The following MYO9A variants were observed in gnomAD, a reference collection of about 807,000 sequenced individuals.
MYO9A encodes the protein myosin IXA, also known as unconventional myosin-IXa.
Under a neutral mutation model 293.3 loss-of-function variants are expected in MYO9A, and 103 were observed. The ratio of observed to expected loss-of-function variants is 0.35; its 90% CI spans 0.30 to 0.41. The LOEUF (loss-of-function observed/expected upper bound fraction) is 0.41. Among genes scored for constraint, MYO9A ranks in the 10% least tolerant of loss-of-function variants. The probability of loss-of-function intolerance (pLI) is 1.00; values close to 1 mark genes in which losing one functional copy is unlikely to be tolerated. For missense variants in MYO9A, 2,685 were observed against 3,033.0 expected (o/e 0.89, Z 2.69); for synonymous variants, 1,001 against 1,035.7 (o/e 0.97, Z 0.64).
Position 71,898,971 on chromosome 15 carries a change from T to C in MYO9A, c.3532A>G (p.Ile1178Val). Residue 1178 changes from isoleucine to valine, a missense_variant, in exon 25 of 42, where the codon ATT becomes GTT. This residue lies in a region of MYO9A where 1,434 missense variants were observed against 1,497.7 expected (regional missense o/e 0.96). Transcript: ENST00000356056. The part of the protein sequence containing the change: ...ETKPEVGLVN[I>V]KGYGSLEIQG... ...ATTTCCAGAGATCCATATCCCTTAA[T>C]ATTCACCAATCCAACTTCTGGCTTT... is the stretch of plus-strand genomic sequence containing the variant. 3 of 1,613,666 alleles carry C rather than the reference T, an allele frequency of 1.9e-6. No homozygotes were observed. The highest frequency in any genetic ancestry group is 2.2e-5 in the South Asian group (2 of 91,064).
chr15:72,005,800 T>C (rs997759381), intron 8 of MYO9A, among the ~76,000 whole-genome samples: 34 of 152,310 alleles, frequency 2.2e-4, no homozygotes, highest in African/African-American at 7.9e-4. Context: ...AACTTTATGC[T>C]CTAAAACTAA....
At chr15:71,969,534 G>C (rs1264161809) in intron 12 of MYO9A, among the ~76,000 whole-genome samples, 4 of 152,192 alleles carry the variant, frequency 2.6e-5, no homozygotes. Flanking sequence ...GCATAGGCCA[G>C]CTCAACCTCT....
At chr15:71,856,071 G>A (rs2055851493) in intron 34 of MYO9A, among the ~76,000 whole-genome samples, 1 of 152,150 alleles carries the variant, frequency 6.6e-6, no homozygotes, top group African/African-American at 2.4e-5. Context: ...AGCATTTTGT[G>A]AGGCTGAGGT....
intron 32 of MYO9A, among the ~76,000 whole-genome samples, chr15:71,874,470 G>A (rs992357237): frequency 6.6e-6 from 1 of 152,104 alleles, no homozygotes; most frequent in African/African-American, 2.4e-5. Context: ...AGGCAGTCAC[G>A]CTCAAGATCA....
chr15:71,985,943 G>C (rs1318376631), intron 11 of MYO9A, among the ~76,000 whole-genome samples: 1 of 152,072 alleles, frequency 6.6e-6, no homozygotes, highest in East Asian at 1.9e-4. Context: ...ACACTGCCTG[G>C]CACACAACTG....
Position 71,960,036 on chromosome 15 carries a change from T to C in MYO9A, c.2047A>G (p.Ser683Gly). 1 of 1,614,076 alleles carries C rather than the reference T, an allele frequency of 6.2e-7. No individual in the cohort carries two copies. Among genetic ancestry groups the C allele is most frequent in the South Asian group, 1.1e-5 (1 of 91,068 alleles). ...RPDIVALLRS[S>G]KNAFISGMIG... is the part of the protein sequence containing the mutation. Reference sequence around the variant, plus strand: ...ATCCCAGAGATAAATGCATTCTTGCTGCTTCTCAGAAGAGCTACAATGTCT... The same window carrying C: ...ATCCCAGAGATAAATGCATTCTTGCCGCTTCTCAGAAGAGCTACAATGTCT... Residue 683 changes from serine (S) to glycine (G), a missense_variant, in exon 14 of 42, where the codon AGC (serine) becomes GGC (glycine). Transcript: ENST00000356056.
chr15:71,848,765 T>A (rs2055501269), intron 39 of MYO9A, 80 bp downstream of exon 39: 1 of 1,476,164 alleles, frequency 6.8e-7, no homozygotes, highest in Non-Finnish European at 9.1e-7. Context: ...CTGATAATAA[T>A]CCTTGTATAC....
In MYO9A at chr15:71,823,423, T is replaced by TG. The variant is rs1199931231; in HGVS notation, c.*3156dup. 6.6e-6 allele frequency: 1 copy of TG among 152,232 alleles called. No individual in the cohort carries two copies. Among genetic ancestry groups the TG allele is most frequent in the Non-Finnish European group, 1.5e-5 (1 of 68,060 alleles). 9.4% of individuals were successfully genotyped at this position (152,232 alleles called of 1,614,324 possible). A position where few individuals can be genotyped will look rare whatever the true frequency, so the allele number is the denominator to read the frequency against. ...GGCAGGTTTCCAAAGCATGAGAAGG[T>TG]GGGGGCTCTAGTATTCCATCCCAGG... On this transcript the variant is annotated 3_prime_UTR_variant, in exon 42 of 42. Transcript: ENST00000356056.
At chr15:72,001,919 G>A (rs2076877265) in intron 8 of MYO9A, among the ~76,000 whole-genome samples, 1 of 151,680 alleles carries the variant, frequency 6.6e-6, no homozygotes, top group African/African-American at 2.4e-5. Flanking sequence ...ACAAAGCTAA[G>A]AAAAAAAATG....
intron 20 of MYO9A, 108 bp from the exon 21 acceptor site, chr15:71,904,147 T>TC: frequency 1.1e-6 from 1 of 872,722 alleles, no homozygotes. Context: ...CTGGAGGTTG[T>TC]CTGGTTAACA....
In MYO9A at chr15:71,963,462, T is replaced by C. The variant is rs28605814; in HGVS notation, c.1987-3366A>G. On this transcript the variant is annotated intron_variant, in intron 13 of 41. Coordinates refer to ENST00000356056, the MANE Select transcript of MYO9A (RefSeq NM_006901.4). ...TTACGACTTTATTTTATTTTATGTA[T>C]TTAGAGACAGAGTTTCGCTCTTGTT... Among the ~76,000 whole-genome samples the C allele has an allele frequency of 4.1e-3, 630 of 152,068 alleles. 6 individuals carry two copies. Among genetic ancestry groups the C allele is most frequent in the African/African-American group, 0.015 (603 of 41,470 alleles).
At chr15:71,945,846 T>G (rs1284478227) in intron 15 of MYO9A, among the ~76,000 whole-genome samples, 2 of 152,200 alleles carry the variant, frequency 1.3e-5, no homozygotes, top group Admixed American at 1.3e-4. Context: ...CACTAATAAC[T>G]ATGGAGTTTG....
chr15:71,842,427 AT>A (rs2141038285), intron 39 of MYO9A, among the ~76,000 whole-genome samples: 1 of 152,114 alleles, frequency 6.6e-6, no homozygotes, highest in African/African-American at 2.4e-5. Flanking sequence ...GTTTGGTACT[AT>A]TAACCAATTT....
At chr15:71,879,520 G>T (rs1043118913) in intron 30 of MYO9A, among the ~76,000 whole-genome samples, 9 of 152,102 alleles carry the variant, frequency 5.9e-5, no homozygotes, top group African/African-American at 1.9e-4. Flanking sequence ...GAAATTCAAG[G>T]GAGCTTTTAA....
intron 1 of MYO9A, among the ~76,000 whole-genome samples, chr15:72,069,305 C>T (rs2079111512): frequency 6.6e-6 from 1 of 152,180 alleles, no homozygotes; most frequent in Non-Finnish European, 1.5e-5. Flanking sequence ...AACCTTGCCA[C>T]TGAACTCTAC....
At chr15:72,078,227 C>G (rs117011610) in intron 1 of MYO9A, among the ~76,000 whole-genome samples, 4,249 of 152,248 alleles carry the variant, frequency 0.028, 91 homozygotes, top group Non-Finnish European at 0.043. Context: ...GCCAGGGTGG[C>G]TCATGCCTGT....
intron 28 of MYO9A, 62 bp from the exon 29 acceptor site, chr15:71,880,620 A>T: frequency 7.2e-7 from 1 of 1,388,962 alleles, no homozygotes. Context: ...TAATCTTCAC[A>T]TCCTTCTTTT....
At chr15:72,022,816 C>A (rs1267040275) in intron 4 of MYO9A, among the ~76,000 whole-genome samples, 1 of 151,986 alleles carries the variant, frequency 6.6e-6, no homozygotes, top group East Asian at 1.9e-4. Flanking sequence ...TCCCAAAGTG[C>A]TGGGATTACA....
intron 18 of MYO9A, among the ~76,000 whole-genome samples, chr15:71,919,247 C>T (rs1042489225): frequency 3.3e-5 from 5 of 152,072 alleles, no homozygotes; most frequent in Admixed American, 2.6e-4. Flanking sequence ...TGGAGACCAG[C>T]CTGGGCAACA....
Sources: gnomAD v4.1 joint callset for allele counts (sites outside exome capture counted in the v4.1 genomes callset) on GRCh38, gnomAD v4.1.1 for gene constraint, gnomAD v4.1.1 regional missense constraint, MANE v1.5 for transcripts, NCBI Gene and HGNC (gene_info 2026-07-23, HGNC 2026-07-21) for gene names.